Variants in SLC6A15 observed in about 807,000 individuals in gnomAD.
SLC6A15 encodes solute carrier family 6 member 15.
Under a neutral mutation model 68.5 loss-of-function variants are expected in SLC6A15, and 33 were observed. That is an observed-to-expected ratio of 0.48 (90% CI 0.37 to 0.64). The LOEUF (loss-of-function observed/expected upper bound fraction) is 0.64. SLC6A15 is among the 30% of genes least tolerant of loss of function. SLC6A15 has a pLI of 0.00. For synonymous variants in SLC6A15, 347 were observed against 301.0 expected (o/e 1.15, Z -1.58); for missense variants, 747 against 874.3 (o/e 0.85, Z 1.84).
chr12:84,883,970 T>A lies in SLC6A15; in HGVS notation c.645A>T (p.Ser215=). The A allele has an allele frequency of 6.2e-7, 1 of 1,614,212 alleles. No homozygotes were observed. Among genetic ancestry groups the A allele is most frequent in the Non-Finnish European group, 8.5e-7 (1 of 1,180,036 alleles). ...AGCCCCCACTTTCAGAAATGGAACT[T>A]GAAATATTCAGTGCTTCCCTGTACC... ...YYWYREALNI[S]SSISESGGLN... The change falls in exon 5 of 12, where the codon TCA becomes TCT. Residue 215 remains serine (S), a synonymous_variant. Coordinates refer to ENST00000266682, the MANE Select transcript of SLC6A15 (RefSeq NM_182767.6).
At chr12:84,911,480 G>C (rs1473940437) in intron 1 of SLC6A15, among the ~76,000 whole-genome samples, 1 of 152,178 alleles carries the variant, frequency 6.6e-6, no homozygotes, top group African/African-American at 2.4e-5. Context: ...CCCAGCTAGG[G>C]AGGAGGATGG....
At chr12:84,873,031 TATAA>T in intron 7 of SLC6A15, 52 bp downstream of exon 7, 2 of 1,562,672 alleles carry the variant, frequency 1.3e-6, no homozygotes, top group Non-Finnish European at 1.7e-6. Flanking sequence ...TCAATAAAAG[TATAA>T]ATAACAAGAT....
chr12:84,894,126 G>T (rs1220135432), intron 1 of SLC6A15, among the ~76,000 whole-genome samples: 2 of 152,170 alleles, frequency 1.3e-5, no homozygotes, highest in East Asian at 3.9e-4. Flanking sequence ...TTCCCCTACA[G>T]CTCAGTAAAT....
chr12:84,870,824 G>A (rs1162139013), intron 8 of SLC6A15, among the ~76,000 whole-genome samples, 154 bp from the exon 9 acceptor site: 1 of 152,136 alleles, frequency 6.6e-6, no homozygotes, highest in African/African-American at 2.4e-5. Context: ...GATAAATCAT[G>A]TTGTCATTCT....
In SLC6A15 at chr12:84,863,074, A is replaced by T. The variant is rs565522573; in HGVS notation, c.1818+365T>A. 2.1e-3 allele frequency among the ~76,000 whole-genome samples: 315 copies of T among 152,298 alleles called. 2 individuals are homozygous for T. Among genetic ancestry groups the T allele is most frequent in the Non-Finnish European group, 2.7e-3 (187 of 68,028 alleles). Reference sequence around the variant, plus strand: ...CAAAAGTGTTGGGATTATAGGTATGAGTCACTGCACCTGGCCTGGGATACA... The same window carrying T: ...CAAAAGTGTTGGGATTATAGGTATGTGTCACTGCACCTGGCCTGGGATACA... On this transcript the variant is annotated intron_variant, in intron 11 of 11. Coordinates refer to ENST00000266682, the MANE Select transcript of SLC6A15 (RefSeq NM_182767.6).
chr12:84,904,523 A>G (rs532129267), intron 1 of SLC6A15, among the ~76,000 whole-genome samples: 4 of 152,344 alleles, frequency 2.6e-5, no homozygotes, highest in African/African-American at 9.6e-5. Flanking sequence ...AAATTATACA[A>G]ACTGTACTGA....
At chr12:84,866,387 GAATA>G (rs1233816473) in intron 10 of SLC6A15, among the ~76,000 whole-genome samples, 1 of 152,060 alleles carries the variant, frequency 6.6e-6, no homozygotes, top group Non-Finnish European at 1.5e-5. Context: ...ATGAATTTAT[GAATA>G]AATAGTGAAT....
intron 1 of SLC6A15, among the ~76,000 whole-genome samples, chr12:84,903,378 T>TA (rs1872978032): frequency 6.6e-6 from 1 of 151,978 alleles, no homozygotes; most frequent in African/African-American, 2.4e-5. Flanking sequence ...CCCTAAAACT[T>TA]AAAGTATAAC....
intron 2 of SLC6A15, among the ~76,000 whole-genome samples, chr12:84,890,954 AAAT>A (rs1472711407): frequency 1.3e-5 from 2 of 152,200 alleles, no homozygotes; most frequent in African/African-American, 2.4e-5. Flanking sequence ...ACGTGTACAT[AAAT>A]AATAATATTT....
intron 1 of SLC6A15, among the ~76,000 whole-genome samples, chr12:84,905,924 CCTT>C (rs1873126875): frequency 1.3e-5 from 2 of 152,156 alleles, no homozygotes. Context: ...CCCAGGCTCT[CCTT>C]AACTCCTGGC....
chr12:84,882,178 A>G, intron 5 of SLC6A15: 1 of 985,362 alleles, frequency 1.0e-6, no homozygotes, highest in Non-Finnish European at 1.2e-6. Context: ...AGAGTTTTTG[A>G]GCTTCTCTGG....
At chr12:84,887,708 A>G (rs2120655345) in intron 2 of SLC6A15, among the ~76,000 whole-genome samples, 1 of 151,266 alleles carries the variant, frequency 6.6e-6, no homozygotes, top group South Asian at 2.1e-4. Flanking sequence ...GTGAATGAGT[A>G]AGAAAAAAGA....
chr12:84,911,356 G>A (rs974968695), intron 1 of SLC6A15, among the ~76,000 whole-genome samples: 9 of 152,128 alleles, frequency 5.9e-5, no homozygotes, highest in Non-Finnish European at 1.0e-4. Flanking sequence ...AGATCTGGAG[G>A]GGAAAACGGC....
At position 84,870,390 on chromosome 12, in the gene SLC6A15, A is replaced by G. The variant is rs948634277; in HGVS notation, c.1495+88T>C. 2.2e-5 allele frequency: 18 copies of G among 828,734 alleles called. No homozygotes were observed. The African/African-American group carries it at 3.0e-4, about 14-fold the overall frequency. 51.3% of individuals were successfully genotyped at this position (828,734 alleles called of 1,614,324 possible). On this transcript the variant is annotated intron_variant, in intron 9 of 11. Coordinates refer to ENST00000266682, the MANE Select transcript of SLC6A15 (RefSeq NM_182767.6). ...TAGACATTAATAAAACTCAAAATATAAGACTTTCCACTTTTCATCTCTAAT... is the reference window on the plus strand; with the variant it reads ...TAGACATTAATAAAACTCAAAATATGAGACTTTCCACTTTTCATCTCTAAT...
chr12:84,871,200 G>A (rs921971672), intron 8 of SLC6A15, among the ~76,000 whole-genome samples: 6 of 150,790 alleles, frequency 4.0e-5, no homozygotes, highest in Non-Finnish European at 7.4e-5. Context: ...AACTGCAAAT[G>A]CAAAATAAAA....
Position 84,867,104 on chromosome 12 carries a change from C to A in SLC6A15, c.1585G>T (p.Ala529Ser). The change falls in exon 10 of 12, where the codon GCT (alanine) becomes TCT (serine). Residue 529 changes from alanine (A) to serine (S), a missense_variant. Physicochemically the swap from Ala to Ser is moderately conservative, Grantham distance 99 (BLOSUM62 1). Transcript: ENST00000266682. ...YFVTMFDDYS[A>S]TLPLLIVVIL... ...ACTACAATTAGCAGAGGCAGTGTAG[C>A]AGAATAATCATCAAACATTGTAACA... 1.2e-6 allele frequency: 2 copies of A among 1,612,680 alleles called. No homozygotes were observed. Among genetic ancestry groups the A allele is most frequent in the Non-Finnish European group, 1.7e-6 (2 of 1,179,258 alleles).
chr12:84,862,573 T>A (rs1198511710), intron 11 of SLC6A15, among the ~76,000 whole-genome samples: 1 of 152,140 alleles, frequency 6.6e-6, no homozygotes, highest in Non-Finnish European at 1.5e-5. Flanking sequence ...GTCAGAAGTA[T>A]CTCTGAAAAT....
At chr12:84,878,349 C>T (rs1871655500) in intron 5 of SLC6A15, among the ~76,000 whole-genome samples, 2 of 151,934 alleles carry the variant, frequency 1.3e-5, no homozygotes, top group African/African-American at 4.8e-5. Context: ...TTCATTCTCC[C>T]TGCGTACTTT....
At chr12:84,884,936 CTA>C (rs1183604724) in intron 4 of SLC6A15, among the ~76,000 whole-genome samples, 1 of 151,720 alleles carries the variant, frequency 6.6e-6, no homozygotes, top group East Asian at 1.9e-4. Context: ...AAAATATAAA[CTA>C]TATCTGTGCA....
Sources: gnomAD v4.1 joint callset for allele counts (sites outside exome capture counted in the v4.1 genomes callset) on GRCh38, gnomAD v4.1.1 for gene constraint, MANE v1.5 for transcripts, NCBI Gene and HGNC (gene_info 2026-07-23, HGNC 2026-07-21) for gene names.